Variants in RSU1 observed in about 807,000 individuals in gnomAD.
RSU1 encodes rsu-1.
Under a neutral mutation model 31.1 loss-of-function variants are expected in RSU1, and 26 were observed. The observed-to-expected ratio is 0.84, with a 90% CI of 0.61 to 1.16. The LOEUF (loss-of-function observed/expected upper bound fraction) is 1.16, where lower values mean the gene tolerates loss of function less well. RSU1 is among the 50% of genes most tolerant of loss of function. The pLI, the probability that RSU1 is intolerant of heterozygous loss-of-function variation, is 0.00. For synonymous variants in RSU1, 164 were observed against 136.3 expected, an observed-to-expected ratio of 1.20 and a Z score of -1.41; for missense variants, 320 against 339.1, an observed-to-expected ratio of 0.94 and a Z score of 0.44.
chr10:16,803,709 T>G (rs1371160386), intron 2 of RSU1, among the ~76,000 whole-genome samples: 1 of 152,162 alleles, frequency 6.6e-6, no homozygotes, highest in Non-Finnish European at 1.5e-5. Context: ...TTGGCAAAAG[T>G]GCAAAGGCAA....
chr10:16,709,617 A>G (rs1193459402), intron 7 of RSU1, among the ~76,000 whole-genome samples: 3 of 152,180 alleles, frequency 2.0e-5, no homozygotes, highest in Admixed American at 1.3e-4. Context: ...CACCAACAGT[A>G]TAAAAGTGTT....
At chr10:16,601,421 T>C (rs1430969557) in intron 8 of RSU1, among the ~76,000 whole-genome samples, 3 of 152,224 alleles carry the variant, frequency 2.0e-5, no homozygotes, top group Non-Finnish European at 4.4e-5. Flanking sequence ...GGACCACAGT[T>C]TTCATCAGCT....
chr10:16,709,314 AG>A (rs1173105217), intron 7 of RSU1, among the ~76,000 whole-genome samples: 4 of 152,338 alleles, frequency 2.6e-5, no homozygotes, highest in African/African-American at 9.6e-5. Flanking sequence ...GTACCTACAA[AG>A]GACATGAACT....
chr10:16,652,997 T>A (rs1267541887), intron 8 of RSU1, among the ~76,000 whole-genome samples: 1 of 152,026 alleles, frequency 6.6e-6, no homozygotes, highest in African/African-American at 2.4e-5. Flanking sequence ...TTTTAATGAA[T>A]CTTTCTTTAC....
chr10:16,782,407 T>TTTCC (rs1209498771), intron 2 of RSU1, among the ~76,000 whole-genome samples: 1 of 152,186 alleles, frequency 6.6e-6, no homozygotes, highest in Non-Finnish European at 1.5e-5. Flanking sequence ...CCATTTCAAT[T>TTTCC]ATCTGTGCCA....
chr10:16,646,606 C>T (rs1321592640), intron 8 of RSU1, among the ~76,000 whole-genome samples: 1 of 152,226 alleles, frequency 6.6e-6, no homozygotes, highest in East Asian at 1.9e-4. Context: ...CTTCCTCCTA[C>T]CCTGTATGTC....
intron 8 of RSU1, among the ~76,000 whole-genome samples, chr10:16,666,977 C>T (rs12266699): frequency 0.031 from 4,698 of 151,758 alleles, 259 homozygotes; most frequent in African/African-American, 0.11. Flanking sequence ...CCAGCCTGGG[C>T]GACAGAGTGA....
At chr10:16,781,027 A>G (rs964022120) in intron 3 of RSU1, among the ~76,000 whole-genome samples, 8 of 152,226 alleles carry the variant, frequency 5.3e-5, no homozygotes, top group African/African-American at 1.7e-4. Context: ...ACATCGCTTC[A>G]AGCTGTATAT....
chr10:16,754,920 C>G lies in RSU1; in HGVS notation c.351G>C (p.Thr117=), dbSNP rs1049632. 3.1e-6 allele frequency: 5 copies of G among 1,612,568 alleles called. No homozygotes were observed. Among genetic ancestry groups the G allele is most frequent in the Non-Finnish European group, 4.2e-6 (5 of 1,179,370 alleles). The stretch of plus-strand genomic sequence containing the variant: ...GAGAATTTTCGCTCAAGTTGTTGTA[C>G]GTCAAGTCCAGAACCTCAAGAGCTG... ...SLPALEVLDL[T]YNNLSENSLP... is the part of the protein sequence containing the mutation. The change falls in exon 5 of 9, where the codon ACG becomes ACC. Residue 117 remains threonine (T), a synonymous_variant. Transcript: ENST00000345264.
chr10:16,763,421 A>C (rs1837247769), intron 4 of RSU1, among the ~76,000 whole-genome samples: 1 of 152,126 alleles, frequency 6.6e-6, no homozygotes. Context: ...AGACAGCACA[A>C]GGGGGGAGGT....
At chr10:16,715,402 TCCTACAATTTCC>T (rs918270036) in intron 7 of RSU1, among the ~76,000 whole-genome samples, 15 of 152,252 alleles carry the variant, frequency 9.9e-5, no homozygotes, top group Admixed American at 7.2e-4. Context: ...GAAGATTTTA[TCCTACAATTTCC>T]CCTAAAATTT....
intron 8 of RSU1, among the ~76,000 whole-genome samples, chr10:16,632,060 C>T (rs1019654658): frequency 1.2e-4 from 18 of 152,164 alleles, no homozygotes; most frequent in Admixed American, 6.5e-4. Context: ...CCCCAGAAAG[C>T]GGGTGTGGGA....
Position 16,600,317 on chromosome 10 carries a change from G to A in RSU1, c.732-6821C>T, listed in dbSNP as rs79408042. Among the ~76,000 whole-genome samples, 275 of 152,152 alleles carry A rather than the reference G, an allele frequency of 1.8e-3. 1 individual carries two copies. The highest frequency in any genetic ancestry group is 5.9e-3 in the African/African-American group (246 of 41,526). ...CCCTGCTGAAGCCCACTTCTAGAAG[G>A]ATCATGGGGAAATGATCCTGGAGAC... is the stretch of plus-strand genomic sequence containing the variant. On this transcript the variant is annotated intron_variant, in intron 8 of 8. Coordinates refer to ENST00000345264, the MANE Select transcript of RSU1 (RefSeq NM_012425.4).
intron 8 of RSU1, among the ~76,000 whole-genome samples, chr10:16,672,170 C>T (rs1260558063): frequency 4.3e-4 from 64 of 150,070 alleles, no homozygotes; most frequent in African/African-American, 1.4e-3. Context: ...ATTAGCCAGG[C>T]GTGGTGGCGG....
chr10:16,609,523 G>A (rs1171891470), intron 8 of RSU1, among the ~76,000 whole-genome samples: 4 of 152,236 alleles, frequency 2.6e-5, no homozygotes, highest in South Asian at 2.1e-4. Context: ...AAGTAAAAGC[G>A]TGGGGTGGAG....
intron 8 of RSU1, among the ~76,000 whole-genome samples, chr10:16,678,743 G>C (rs77004687): frequency 0.014 from 2,136 of 152,204 alleles, 60 homozygotes; most frequent in African/African-American, 0.049. Flanking sequence ...AAGAGGATGT[G>C]CCCACTCCTC....
rs559366479 is a variant in RSU1, at chr10:16,686,692, G to C, written c.731+8331C>G. 3.9e-5 allele frequency among the ~76,000 whole-genome samples: 6 copies of C among 152,248 alleles called. No individual in the cohort carries two copies. In the South Asian group the frequency reaches 1.2e-3, roughly 32 times the overall value. ...CTTGATAGTCAACAATCAAGTGAGG[G>C]GGATGGAGAAGGGAACAGGGGAAAG... On this transcript the variant is annotated intron_variant, in intron 8 of 8. Coordinates refer to ENST00000345264, the MANE Select transcript of RSU1 (RefSeq NM_012425.4).
At chr10:16,665,391 A>T (rs1329462055) in intron 8 of RSU1, among the ~76,000 whole-genome samples, 1 of 152,206 alleles carries the variant, frequency 6.6e-6, no homozygotes, top group Non-Finnish European at 1.5e-5. Context: ...TGGGCTCAGG[A>T]TTTGAACTAA....
At chr10:16,617,059 A>T (rs1312000094) in intron 8 of RSU1, among the ~76,000 whole-genome samples, 1 of 152,256 alleles carries the variant, frequency 6.6e-6, no homozygotes, top group Non-Finnish European at 1.5e-5. Context: ...CTGTTTGCAG[A>T]TGACGTGATT....
Sources: gnomAD v4.1 joint callset for allele counts (sites outside exome capture counted in the v4.1 genomes callset) on GRCh38, gnomAD v4.1.1 for gene constraint, MANE v1.5 for transcripts, NCBI Gene and HGNC (gene_info 2026-07-23, HGNC 2026-07-21) for gene names.